Variants in PRKN observed in about 807,000 individuals in gnomAD.
PRKN encodes the protein E3 ubiquitin-protein ligase parkin.
Under a neutral mutation model 59.5 loss-of-function variants are expected in PRKN, and 56 were observed. The observed-to-expected ratio is 0.94, with a 90% CI of 0.76 to 1.18. PRKN has a LOEUF of 1.18. Ranked by LOEUF, PRKN falls within the 50% of genes most tolerant of loss-of-function variation. The pLI is 0.00. For missense variants in PRKN, 657 were observed against 596.4 expected (o/e 1.10, Z -1.06); for synonymous variants, 250 against 222.1 (o/e 1.13, Z -1.12).
chr6:162,366,896 T>C (rs906531642), intron 2 of PRKN, among the ~76,000 whole-genome samples: 1 of 152,166 alleles, frequency 6.6e-6, no homozygotes, highest in South Asian at 2.1e-4. Flanking sequence ...TGAAACTCCA[T>C]CTCAAAATAA....
intron 1 of PRKN, among the ~76,000 whole-genome samples, chr6:162,509,800 T>G (rs1360619131): frequency 6.6e-6 from 1 of 152,238 alleles, no homozygotes; most frequent in East Asian, 1.9e-4. Flanking sequence ...TGTAAATCAT[T>G]AAATTATTCT....
At chr6:162,326,563 T>G (rs761236086) in intron 2 of PRKN, among the ~76,000 whole-genome samples, 1 of 152,150 alleles carries the variant, frequency 6.6e-6, no homozygotes, top group Non-Finnish European at 1.5e-5. Flanking sequence ...AGAAACATCT[T>G]ACTTAAGAAG....
chr6:162,259,782 G>A (rs1298962182), intron 3 of PRKN, among the ~76,000 whole-genome samples: 1 of 152,172 alleles, frequency 6.6e-6, no homozygotes, highest in Non-Finnish European at 1.5e-5. Context: ...TAGTAAACAT[G>A]TATCACCACT....
intron 2 of PRKN, among the ~76,000 whole-genome samples, chr6:162,424,683 C>T (rs993263186): frequency 5.3e-5 from 8 of 150,166 alleles, no homozygotes; most frequent in Non-Finnish European, 3.0e-5. Flanking sequence ...TGCAGTGAGC[C>T]GAGATCACGC....
At chr6:162,165,317 A>C (rs1191950674) in intron 4 of PRKN, among the ~76,000 whole-genome samples, 1 of 149,316 alleles carries the variant, frequency 6.7e-6, no homozygotes, top group Non-Finnish European at 1.5e-5. Context: ...AAAAAGTAAT[A>C]AACTTAGAAA....
chr6:161,835,554 T>C (rs192990950), intron 6 of PRKN, among the ~76,000 whole-genome samples: 136 of 152,328 alleles, frequency 8.9e-4, no homozygotes, highest in Middle Eastern at 3.4e-3. Context: ...CCCGAGACAC[T>C]GGCAGCGGCA....
intron 1 of PRKN, among the ~76,000 whole-genome samples, chr6:162,501,826 A>T (rs1200422583): frequency 2.0e-5 from 3 of 152,130 alleles, no homozygotes; most frequent in African/African-American, 7.2e-5. Flanking sequence ...TGAAGATAAG[A>T]AACAAAATGA....
intron 1 of PRKN, among the ~76,000 whole-genome samples, chr6:162,512,003 G>A (rs1014298753): frequency 5.3e-5 from 8 of 152,238 alleles, no homozygotes; most frequent in Admixed American, 5.2e-4. Context: ...TTATATTTAT[G>A]CTGTGTTAGT....
intron 2 of PRKN, among the ~76,000 whole-genome samples, chr6:162,319,271 A>C (rs183774559): frequency 1.1e-3 from 164 of 151,694 alleles, no homozygotes; most frequent in African/African-American, 3.8e-3. Context: ...TCTTCATCAA[A>C]GATCAGAATC....
intron 4 of PRKN, among the ~76,000 whole-genome samples, chr6:162,161,606 T>A (rs553260581): frequency 6.6e-6 from 1 of 152,282 alleles, no homozygotes; most frequent in African/African-American, 2.4e-5. Context: ...TTCTGCAGCC[T>A]GCCATTGTTC....
intron 7 of PRKN, among the ~76,000 whole-genome samples, chr6:161,622,405 C>G (rs1441887682): frequency 6.6e-6 from 1 of 152,184 alleles, no homozygotes; most frequent in Non-Finnish European, 1.5e-5. Flanking sequence ...CTCCCTGCCC[C>G]TCCCCAGGCC....
At chr6:162,398,603 T>C (rs946895877) in intron 2 of PRKN, among the ~76,000 whole-genome samples, 1 of 152,140 alleles carries the variant, frequency 6.6e-6, no homozygotes, top group Admixed American at 6.5e-5. Flanking sequence ...TTGGCCAGGC[T>C]GGTTTTGAAT....
chr6:161,641,650 G>A (rs1322539113), intron 7 of PRKN, among the ~76,000 whole-genome samples: 1 of 152,166 alleles, frequency 6.6e-6, no homozygotes, highest in East Asian at 1.9e-4. Flanking sequence ...TGATAAATCG[G>A]CTCTGTCTAG....
chr6:162,424,708 C>T lies in PRKN; in HGVS notation c.171+18602G>A, dbSNP rs369975763. 5.5e-4 allele frequency among the ~76,000 whole-genome samples: 82 copies of T among 150,424 alleles called. 3 individuals carry two copies. In the South Asian group the frequency reaches 0.017, roughly 30 times the overall value. On this transcript the variant is annotated intron_variant, in intron 2 of 11. Transcript: ENST00000366898. ...CGAGATCACGCCACTGTATCCCAGCCTGGGTGACAGAGCAAGACTCTGTCT... is the reference window on the plus strand; with the variant it reads ...CGAGATCACGCCACTGTATCCCAGCTTGGGTGACAGAGCAAGACTCTGTCT...
rs951607366 is a variant in PRKN at position 161,407,920 on chromosome 6, G to A, written c.1084-21043C>T. On this transcript the variant is annotated intron_variant, in intron 9 of 11. Transcript: ENST00000366898. The surrounding 1 kb of genome is among the most constrained non-coding windows in gnomAD (Gnocchi z 4.9). ...TAACAATAGATAACCTCCTTTAACTGTAACTTTCCACTGCCTACCCAAGTC... is the reference window on the plus strand; with the variant it reads ...TAACAATAGATAACCTCCTTTAACTATAACTTTCCACTGCCTACCCAAGTC... 2.6e-5 allele frequency among the ~76,000 whole-genome samples: 4 copies of A among 152,112 alleles called. No individual in the cohort carries two copies. The highest frequency in any genetic ancestry group is 9.7e-5 in the African/African-American group (4 of 41,414).
intron 7 of PRKN, among the ~76,000 whole-genome samples, chr6:161,764,933 A>G (rs1037241967): frequency 2.6e-5 from 4 of 152,208 alleles, no homozygotes; most frequent in Non-Finnish European, 5.9e-5. Context: ...AAAAGATTCC[A>G]TTGCTGAGCT....
rs1395299753 is a variant in PRKN at position 161,400,370 on chromosome 6, C to T, written c.1084-13493G>A. ...TCACCCAGGCTGGAGTGCAATGGCA[C>T]GATCTCCGCTCACTGCAACCTGTAC... On this transcript the variant is annotated intron_variant, in intron 9 of 11. Transcript: ENST00000366898. The surrounding 1 kb of genome is among the most constrained non-coding windows in gnomAD (Gnocchi z 4.2). 3.3e-5 allele frequency among the ~76,000 whole-genome samples: 5 copies of T among 151,510 alleles called. No homozygotes were observed. The highest frequency in any genetic ancestry group is 7.3e-5 in the African/African-American group (3 of 41,180).
chr6:161,658,205 A>ATT (rs34255746), intron 7 of PRKN, among the ~76,000 whole-genome samples: 2 of 150,846 alleles, frequency 1.3e-5, no homozygotes, highest in African/African-American at 4.9e-5. Context: ...ATTAAATTGT[A>ATT]TTTTTTTTTC....
chr6:162,457,054 A>T (rs1398349961), intron 1 of PRKN, among the ~76,000 whole-genome samples: 1 of 152,180 alleles, frequency 6.6e-6, no homozygotes, highest in Non-Finnish European at 1.5e-5. Flanking sequence ...AGAACACTCA[A>T]CCTCAACTGA....
Sources: allele counts gnomAD v4.1 joint callset (sites outside exome capture counted in the v4.1 genomes callset), GRCh38; gene constraint gnomAD v4.1.1; non-coding constraint Gnocchi (gnomAD v3.1); transcripts MANE v1.5; gene names NCBI Gene and HGNC (gene_info 2026-07-23, HGNC 2026-07-21).